The following SARDH variants were observed in gnomAD, a reference collection of about 807,000 sequenced individuals.
The protein encoded by SARDH is sarcosine dehydrogenase, also known as sarcosine dehydrogenase, mitochondrial.
A neutral mutation model predicts 109.1 loss-of-function variants in SARDH; 95 were observed. The ratio of observed to expected loss-of-function variants is 0.87; its 90% CI spans 0.74 to 1.03. The LOEUF (loss-of-function observed/expected upper bound fraction) is 1.03, where lower values mean the gene tolerates loss of function less well. Ranked by LOEUF, SARDH falls within the 50% of genes least tolerant of loss-of-function variation. The probability of loss-of-function intolerance (pLI) is 0.00; values close to 1 mark genes in which losing one functional copy is unlikely to be tolerated. For synonymous variants in SARDH, 572 were observed against 534.8 expected (o/e 1.07, Z -0.96); for missense variants, 1,267 against 1,287.8 (o/e 0.98, Z 0.25).
chr9:133,676,401 C>T (rs1830513443), intron 17 of SARDH, among the ~76,000 whole-genome samples: 1 of 152,132 alleles, frequency 6.6e-6, no homozygotes, highest in Admixed American at 6.6e-5. Context: ...GCTTCAGTTT[C>T]ACAAAATGAA....
At chr9:133,724,126 G>A (rs776370293) in intron 6 of SARDH, among the ~76,000 whole-genome samples, 1 of 152,018 alleles carries the variant, frequency 6.6e-6, no homozygotes, top group Admixed American at 6.6e-5. Flanking sequence ...TAAAACTTGT[G>A]CTACAAACCA....
In SARDH at chr9:133,666,073, A is replaced by C. The variant is rs1830054681; in HGVS notation, c.2631+662T>G. ...TGCCCCACCACCCCTGGCCACCCAGAGCTGTCCTGGGACTTGCTCCTGGGG... is the reference window on the plus strand; with the variant it reads ...TGCCCCACCACCCCTGGCCACCCAGCGCTGTCCTGGGACTTGCTCCTGGGG... On this transcript the variant is annotated intron_variant, in intron 20 of 20. Coordinates refer to ENST00000439388, the MANE Select transcript of SARDH (RefSeq NM_001134707.2). This position sits in a 1 kb window ranked among gnomAD's most constrained non-coding sequence, Gnocchi z 5.2. 6.6e-6 allele frequency among the ~76,000 whole-genome samples: 1 copy of C among 152,174 alleles called. No homozygotes were observed. The highest frequency in any genetic ancestry group is 6.5e-5 in the Admixed American group (1 of 15,290).
chr9:133,684,535 C>T (rs941042669), intron 17 of SARDH, among the ~76,000 whole-genome samples: 4 of 152,166 alleles, frequency 2.6e-5, no homozygotes, highest in South Asian at 2.1e-4. Context: ...AGAAGAGGGT[C>T]GTGCTGGCCC....
intron 17 of SARDH, among the ~76,000 whole-genome samples, chr9:133,680,112 T>G (rs547946203): frequency 6.6e-6 from 1 of 152,290 alleles, no homozygotes; most frequent in East Asian, 1.9e-4. Context: ...AATATGAAAT[T>G]CTCCCTGGAT....
At position 133,712,755 on chromosome 9, in the gene SARDH, C is replaced by T. The variant is rs376440938; in HGVS notation, c.1238-46G>A. 316 of 1,564,636 alleles carry T rather than the reference C, an allele frequency of 2.0e-4. No homozygotes were observed. The highest frequency in any genetic ancestry group is 2.6e-4 in the Non-Finnish European group (302 of 1,147,988). On this transcript the variant is annotated intron_variant, in intron 9 of 20. Coordinates refer to ENST00000439388, the MANE Select transcript of SARDH (RefSeq NM_001134707.2). This position sits in a 1 kb window ranked among gnomAD's most constrained non-coding sequence, Gnocchi z 4.1. Reference sequence around the variant, plus strand: ...GGGCTGCGGTCTGCCCCCCAGGGTCCCCCACCCATGTCCAAACATGTGCCC... The same window carrying T: ...GGGCTGCGGTCTGCCCCCCAGGGTCTCCCACCCATGTCCAAACATGTGCCC...
rs548203602 is a variant in SARDH, at chr9:133,667,385, C to T, written c.2496-515G>A. On this transcript the variant is annotated intron_variant, in intron 19 of 20. Coordinates refer to ENST00000439388, the MANE Select transcript of SARDH (RefSeq NM_001134707.2). ...TTCATCATGTTGGCCAGGCTGGTCTCGAACTCCTGACCTCAAGTGATCTGC... is the reference window on the plus strand; with the variant it reads ...TTCATCATGTTGGCCAGGCTGGTCTTGAACTCCTGACCTCAAGTGATCTGC... Among the ~76,000 whole-genome samples the T allele has an allele frequency of 1.4e-3, 209 of 151,922 alleles. 1 individual carries two copies. The highest frequency in any genetic ancestry group is 4.8e-3 in the African/African-American group (197 of 41,442).
Position 133,693,585 on chromosome 9 carries a change from C to A in SARDH, c.1921+673G>T, listed in dbSNP as rs1354778105. 6.6e-6 allele frequency among the ~76,000 whole-genome samples: 1 copy of A among 152,228 alleles called. No homozygotes were observed. The highest frequency in any genetic ancestry group is 1.5e-5 in the Non-Finnish European group (1 of 68,042). The stretch of plus-strand genomic sequence containing the variant: ...TCCTGGAGAAAGAGAATGTTTCCCT[C>A]TCTGCTTCTTCATCCCTGGTGGGGA... On this transcript the variant is annotated intron_variant, in intron 15 of 20. Coordinates refer to ENST00000439388, the MANE Select transcript of SARDH (RefSeq NM_001134707.2). This position sits in a 1 kb window ranked among gnomAD's most constrained non-coding sequence, Gnocchi z 5.6.
chr9:133,688,144 C>T (rs532058483), intron 16 of SARDH, among the ~76,000 whole-genome samples: 119 of 152,332 alleles, frequency 7.8e-4, no homozygotes, highest in African/African-American at 2.8e-3. Flanking sequence ...GCCTTGACAC[C>T]CCTCCCTCTA....
At chr9:133,674,056 G>C (rs140272370) in intron 17 of SARDH, among the ~76,000 whole-genome samples, 5 of 152,364 alleles carry the variant, frequency 3.3e-5, no homozygotes, top group African/African-American at 1.2e-4. Context: ...GCCAAAGAGA[G>C]GGAGGCTGGG....
Position 133,666,783 on chromosome 9 carries a change from G to T in SARDH, c.2583C>A (p.Ile861=). 1.2e-6 allele frequency: 2 copies of T among 1,603,580 alleles called. No individual in the cohort carries two copies. The highest frequency in any genetic ancestry group is 1.7e-6 in the Non-Finnish European group (2 of 1,175,394). The part of the protein sequence containing the change: ...HVRRADFGFA[I]DKTIAYGYIH... ...TGTAACCGTAGGCGATGGTCTTGTC[G>T]ATGGCGAACCCAAAGTCAGCCCTCC... The change falls in exon 20 of 21, where the codon ATC becomes ATA. Residue 861 remains isoleucine, a synonymous_variant. Transcript: ENST00000439388. This position sits in a 1 kb window ranked among gnomAD's most constrained non-coding sequence, Gnocchi z 5.2.
At chr9:133,732,679 C>A (rs1832731050) in intron 2 of SARDH, 78 bp from the exon 3 acceptor site, 1 of 1,454,212 alleles carries the variant, frequency 6.9e-7, no homozygotes, top group Non-Finnish European at 9.3e-7. Context: ...TCAGGGGATA[C>A]CCTGATATTC....
At chr9:133,680,573 C>T (rs1830663069) in intron 17 of SARDH, among the ~76,000 whole-genome samples, 1 of 152,248 alleles carries the variant, frequency 6.6e-6, no homozygotes, top group Admixed American at 6.5e-5. Flanking sequence ...TCCTGGCCCA[C>T]ACCTCCCCAG....
At chr9:133,723,864 A>G (rs1488630419) in intron 6 of SARDH, among the ~76,000 whole-genome samples, 2 of 152,260 alleles carry the variant, frequency 1.3e-5, no homozygotes, top group African/African-American at 4.8e-5. Context: ...TTTGTAAAAA[A>G]TGTTGCTGGG....
chr9:133,712,906 G>A lies in SARDH; in HGVS notation c.1237+132C>T, dbSNP rs924350294. On this transcript the variant is annotated intron_variant, in intron 9 of 20. Transcript: ENST00000439388. The surrounding 1 kb of genome is among the most constrained non-coding windows in gnomAD (Gnocchi z 4.1). The stretch of plus-strand genomic sequence containing the variant: ...GTGCACTCTCTGGGAAGCAGAAGGG[G>A]CTGGACTCCCCAGCCTCTCCTGTCC... 1.4e-4 allele frequency: 143 copies of A among 1,029,156 alleles called. No homozygotes were observed. Among genetic ancestry groups the A allele is most frequent in the Middle Eastern group, 2.9e-4 (1 of 3,394 alleles). 63.8% of individuals were successfully genotyped at this position (1,029,156 alleles called of 1,614,324 possible). A position where few individuals can be genotyped will look rare whatever the true frequency, so the allele number is the denominator to read the frequency against.
intron 17 of SARDH, among the ~76,000 whole-genome samples, chr9:133,680,690 G>T (rs116098477): frequency 6.6e-5 from 10 of 152,168 alleles, no homozygotes; most frequent in Admixed American, 3.3e-4. Flanking sequence ...TGGACCCACC[G>T]GCCACCCAGC....
At chr9:133,681,027 G>A (rs1830677265) in intron 17 of SARDH, among the ~76,000 whole-genome samples, 1 of 152,232 alleles carries the variant, frequency 6.6e-6, no homozygotes, top group South Asian at 2.1e-4. Flanking sequence ...GTAAATCTGT[G>A]CGCTAAGGTC....
Position 133,696,078 on chromosome 9 carries a change from G to A in SARDH, c.1807+145C>T, listed in dbSNP as rs1453031048. On this transcript the variant is annotated intron_variant, in intron 14 of 20. Coordinates refer to ENST00000439388, the MANE Select transcript of SARDH (RefSeq NM_001134707.2). ...TGGGATGGGGCAAAGGGGGCCGGAC[G>A]GGGGGGAGCTCAAAGCCAGGTGAGG... The A allele has an allele frequency of 3.5e-3, 38 of 10,934 alleles. 1 individual carries two copies. The highest frequency in any genetic ancestry group is 0.012 in the South Asian group (32 of 2,672). 0.7% of individuals were successfully genotyped at this position (10,934 alleles called of 1,614,324 possible). A position where few individuals can be genotyped will look rare whatever the true frequency, so the allele number is the denominator to read the frequency against.
At position 133,681,653 on chromosome 9, in the gene SARDH, G is replaced by A. The variant is rs181020538; in HGVS notation, c.2163+3540C>T. Reference sequence around the variant, plus strand: ...GAGTCTCTCGAGCGCTAGTGAGGGAGAGGACGAGAAGCACAGCACTGGGAA... The same window carrying A: ...GAGTCTCTCGAGCGCTAGTGAGGGAAAGGACGAGAAGCACAGCACTGGGAA... On this transcript the variant is annotated intron_variant, in intron 17 of 20. Transcript: ENST00000439388. Among the ~76,000 whole-genome samples the A allele has an allele frequency of 6.6e-5, 10 of 152,354 alleles. No individual in the cohort carries two copies. In the East Asian group the frequency reaches 1.9e-3, roughly 29 times the overall value.
chr9:133,671,612 G>A lies in SARDH; in HGVS notation c.2249C>T (p.Ala750Val). The A allele has an allele frequency of 6.2e-7, 1 of 1,603,460 alleles. No individual in the cohort carries two copies. The highest frequency in any genetic ancestry group is 8.5e-7 in the Non-Finnish European group (1 of 1,175,746). ...GTGCTTGGCACCCGCGGCCATCACA[G>A]CCCGGTACACAGGCACGCAGGACGC... ...PKASCVPVYR[A>V]VMAAGAKHGL... The change falls in exon 18 of 21, where the codon GCT becomes GTT. Residue 750 changes from alanine (A) to valine (V), a missense_variant. Ala to Val is a moderately conservative substitution (Grantham distance 64). Transcript: ENST00000439388.
Sources: gnomAD v4.1 joint callset for allele counts (sites outside exome capture counted in the v4.1 genomes callset) on GRCh38, gnomAD v4.1.1 for gene constraint, Gnocchi (gnomAD v3.1) non-coding constraint, MANE v1.5 for transcripts, NCBI Gene and HGNC (gene_info 2026-07-23, HGNC 2026-07-21) for gene names.